KCTD8: variants seen among roughly 807,000 people sequenced by gnomAD.
KCTD8 encodes potassium channel tetramerization domain containing 8, also known as BTB/POZ domain-containing protein KCTD8.
In KCTD8, 27 loss-of-function variants were observed where a neutral mutation model predicts 31.5. That is an observed-to-expected ratio of 0.86 (90% CI 0.63 to 1.18). The LOEUF is 1.18. Among genes scored for constraint, KCTD8 ranks in the 50% most tolerant of loss-of-function variants. The probability of loss-of-function intolerance (pLI) is 0.00; values close to 1 mark genes in which losing one functional copy is unlikely to be tolerated. For missense variants in KCTD8, 658 were observed against 647.7 expected, an observed-to-expected ratio of 1.02 and a Z score of -0.17; for synonymous variants, 290 against 280.0, an observed-to-expected ratio of 1.04 and a Z score of -0.36.
chr4:44,267,234 A>C (rs543484331), intron 1 of KCTD8, among the ~76,000 whole-genome samples: 1 of 152,346 alleles, frequency 6.6e-6, no homozygotes, highest in Non-Finnish European at 1.5e-5. Context: ...CTCAGGATTA[A>C]GAAACTCACT....
At chr4:44,373,490 C>G (rs1473406091) in intron 1 of KCTD8, among the ~76,000 whole-genome samples, 1 of 152,136 alleles carries the variant, frequency 6.6e-6, no homozygotes, top group Admixed American at 6.5e-5. Flanking sequence ...TCCCACATTT[C>G]CTCTTTGTAA....
chr4:44,362,241 G>T (rs1198459441), intron 1 of KCTD8, among the ~76,000 whole-genome samples: 1 of 152,118 alleles, frequency 6.6e-6, no homozygotes, highest in Admixed American at 6.6e-5. Flanking sequence ...CCAAATTTTG[G>T]TTGATTTTAG....
chr4:44,387,398 A>G (rs552302344), intron 1 of KCTD8, among the ~76,000 whole-genome samples: 4 of 152,134 alleles, frequency 2.6e-5, no homozygotes, highest in South Asian at 2.1e-4. Context: ...ACCAAAAAAG[A>G]GCCTGAATAA....
intron 1 of KCTD8, among the ~76,000 whole-genome samples, chr4:44,298,656 T>C (rs1199914139): frequency 6.6e-6 from 1 of 152,136 alleles, no homozygotes; most frequent in African/African-American, 2.4e-5. Context: ...ACACACTCCC[T>C]TGACTCATTG....
At chr4:44,229,492 T>C (rs752557231) in intron 1 of KCTD8, among the ~76,000 whole-genome samples, 29 of 152,126 alleles carry the variant, frequency 1.9e-4, no homozygotes, top group Non-Finnish European at 3.2e-4. Context: ...CTGCACTTGC[T>C]CACTTCCCAA....
chr4:44,213,211 C>T (rs146761659), intron 1 of KCTD8, among the ~76,000 whole-genome samples: 2 of 152,302 alleles, frequency 1.3e-5, no homozygotes, highest in African/African-American at 2.4e-5. Flanking sequence ...GCTGGGAATA[C>T]AGGCATGAGC....
intron 1 of KCTD8, among the ~76,000 whole-genome samples, chr4:44,408,224 T>C (rs1302690383): frequency 6.6e-6 from 1 of 152,134 alleles, no homozygotes; most frequent in African/African-American, 2.4e-5. Context: ...AAATAGTGTA[T>C]AAAAAGTATT....
intron 1 of KCTD8, among the ~76,000 whole-genome samples, chr4:44,215,313 G>T (rs534170392): frequency 6.6e-6 from 1 of 152,100 alleles, no homozygotes; most frequent in South Asian, 2.1e-4. Flanking sequence ...CAAAAATATG[G>T]TTCATTTTAA....
chr4:44,366,411 T>C (rs775399614), intron 1 of KCTD8, among the ~76,000 whole-genome samples: 21 of 152,202 alleles, frequency 1.4e-4, no homozygotes, highest in Admixed American at 5.9e-4. Context: ...TAAAAGTGTA[T>C]GGCACTTCCC....
chr4:44,429,143 A>C (rs1171663196), intron 1 of KCTD8, among the ~76,000 whole-genome samples: 1 of 151,750 alleles, frequency 6.6e-6, no homozygotes, highest in Non-Finnish European at 1.5e-5. Context: ...GAAGAGCCAA[A>C]GCGATAAGCA....
At chr4:44,340,417 G>A (rs1718865239) in intron 1 of KCTD8, among the ~76,000 whole-genome samples, 1 of 151,082 alleles carries the variant, frequency 6.6e-6, no homozygotes, top group South Asian at 2.1e-4. Context: ...TCCTGCCTCA[G>A]TCTCCCGAGT....
At chr4:44,193,381 G>T (rs958363563) in intron 1 of KCTD8, among the ~76,000 whole-genome samples, 2 of 151,638 alleles carry the variant, frequency 1.3e-5, no homozygotes, top group Admixed American at 1.3e-4. Flanking sequence ...ATGTAGATCT[G>T]TCTGACTTTA....
In KCTD8 at chr4:44,448,638, C is replaced by T; in HGVS notation, c.-115G>A. On this transcript the variant is annotated 5_prime_UTR_variant, in exon 1 of 2. Transcript: ENST00000360029. The surrounding 1 kb of genome is among the most constrained non-coding windows in gnomAD (Gnocchi z 4.1). ...CTCTGCGCCCTCGGACTGGGCGGCG[C>T]GTTCCTCCGACCGGGGCGGCCCCGC... 8.7e-7 allele frequency: 1 copy of T among 1,152,750 alleles called. No individual in the cohort carries two copies. The highest frequency in any genetic ancestry group is 1.1e-6 in the Non-Finnish European group (1 of 906,486). 71.4% of individuals were successfully genotyped at this position (1,152,750 alleles called of 1,614,324 possible). A position where few individuals can be genotyped will look rare whatever the true frequency, so the allele number is the denominator to read the frequency against.
chr4:44,340,077 C>G (rs760285035), intron 1 of KCTD8, among the ~76,000 whole-genome samples: 11 of 151,926 alleles, frequency 7.2e-5, no homozygotes, highest in Non-Finnish European at 1.3e-4. Context: ...ACTCTCAGCA[C>G]TAAATATGTA....
chr4:44,211,666 T>G (rs746779916), intron 1 of KCTD8, among the ~76,000 whole-genome samples: 1 of 152,144 alleles, frequency 6.6e-6, no homozygotes, highest in Non-Finnish European at 1.5e-5. Flanking sequence ...ATACAAGAAT[T>G]CTGTAGAGTA....
chr4:44,253,818 A>G (rs1449120739), intron 1 of KCTD8, among the ~76,000 whole-genome samples: 2 of 151,846 alleles, frequency 1.3e-5, no homozygotes, highest in Non-Finnish European at 2.9e-5. Flanking sequence ...TTTGTCAGTA[A>G]GTTTTAGAAT....
At chr4:44,299,873 C>G (rs1353200585) in intron 1 of KCTD8, among the ~76,000 whole-genome samples, 2 of 151,422 alleles carry the variant, frequency 1.3e-5, no homozygotes, top group Admixed American at 1.3e-4. Flanking sequence ...CTGCCTCAGC[C>G]TCCGAGTAGC....
At chr4:44,231,129 G>T (rs1054606738) in intron 1 of KCTD8, among the ~76,000 whole-genome samples, 4 of 152,088 alleles carry the variant, frequency 2.6e-5, no homozygotes, top group Admixed American at 6.6e-5. Flanking sequence ...AAACACCTGC[G>T]CCAAGAGTGG....
chr4:44,354,098 T>C (rs1324439199), intron 1 of KCTD8, among the ~76,000 whole-genome samples: 2 of 152,196 alleles, frequency 1.3e-5, no homozygotes, highest in Non-Finnish European at 2.9e-5. Flanking sequence ...TGCTTAGTTT[T>C]TTTTGCAATA....
Sources: gnomAD v4.1 joint callset for allele counts (sites outside exome capture counted in the v4.1 genomes callset) on GRCh38, gnomAD v4.1.1 for gene constraint, Gnocchi (gnomAD v3.1) non-coding constraint, MANE v1.5 for transcripts, NCBI Gene and HGNC (gene_info 2026-07-23, HGNC 2026-07-21) for gene names.